Variants in GATAD2A observed in about 807,000 individuals in gnomAD.
GATAD2A encodes GATA zinc finger domain containing 2A.
GATAD2A carries 12 observed loss-of-function variants against 68.5 expected under a neutral mutation model. The observed-to-expected ratio is 0.18, with a 90% CI of 0.11 to 0.28. The LOEUF is 0.28. GATAD2A is among the 10% of genes least tolerant of loss of function. The probability of loss-of-function intolerance (pLI) is 1.00; values close to 1 mark genes in which losing one functional copy is unlikely to be tolerated. For synonymous variants in GATAD2A, 410 were observed against 375.3 expected (o/e 1.09, Z -1.07); for missense variants, 755 against 868.5 (o/e 0.87, Z 1.64).
chr19:19,467,892 C>A (rs2057998884), intron 2 of GATAD2A, among the ~76,000 whole-genome samples: 2 of 152,202 alleles, frequency 1.3e-5, no homozygotes, highest in Non-Finnish European at 2.9e-5. Flanking sequence ...CAGCTTTCTG[C>A]CTCCATCTTT....
chr19:19,431,978 A>G (rs2147452340), intron 1 of GATAD2A, among the ~76,000 whole-genome samples: 1 of 152,052 alleles, frequency 6.6e-6, no homozygotes, highest in Non-Finnish European at 1.5e-5. Flanking sequence ...TTAATTTTTT[A>G]TTTTTATTTA....
intron 1 of GATAD2A, among the ~76,000 whole-genome samples, chr19:19,421,754 T>C (rs2052443996): frequency 6.6e-6 from 1 of 152,074 alleles, no homozygotes; most frequent in South Asian, 2.1e-4. Context: ...GCAGGTAAAG[T>C]CTGCTGAGGA....
At chr19:19,479,078 GCT>G (rs1380035971) in intron 2 of GATAD2A, among the ~76,000 whole-genome samples, 1 of 152,060 alleles carries the variant, frequency 6.6e-6, no homozygotes, top group African/African-American at 2.4e-5. Flanking sequence ...GTTTCCATAG[GCT>G]TTTTGGATCA....
chr19:19,392,643 G>A (rs1279617366), intron 1 of GATAD2A, among the ~76,000 whole-genome samples: 2 of 151,302 alleles, frequency 1.3e-5, no homozygotes, highest in African/African-American at 4.9e-5. Context: ...ACCTGCCTCA[G>A]CCTCCCAAAG....
At chr19:19,386,582 C>T (rs1228487694) in intron 1 of GATAD2A, among the ~76,000 whole-genome samples, 1 of 151,898 alleles carries the variant, frequency 6.6e-6, no homozygotes, top group African/African-American at 2.4e-5. Flanking sequence ...GGAACGCTGC[C>T]TCTCTAGAGG....
chr19:19,401,126 C>T (rs1408546684), upstream of GATAD2A, among the ~76,000 whole-genome samples: 2 of 116,250 alleles, frequency 1.7e-5, no homozygotes, highest in South Asian at 2.6e-4. Context: ...GGGCAACGAG[C>T]GAGACTCTGT....
Position 19,506,219 on chromosome 19 carries a change from C to G in GATAD2A, c.*745C>G. ...CATTGCTGCTTGTTCTGGAGACCCC[C>G]GCCCCCGCACCTTCCAGACTTAGCA... On this transcript the variant is annotated 3_prime_UTR_variant, in exon 12 of 12. Coordinates refer to ENST00000683918, the MANE Select transcript of GATAD2A (RefSeq NM_001384528.1). 1 of 398,682 alleles carries G rather than the reference C, an allele frequency of 2.5e-6. No individual in the cohort carries two copies. 24.7% of individuals were successfully genotyped at this position (398,682 alleles called of 1,614,324 possible).
intron 1 of GATAD2A, among the ~76,000 whole-genome samples, chr19:19,450,147 T>C (rs1333599207): frequency 6.6e-6 from 1 of 152,192 alleles, no homozygotes; most frequent in Non-Finnish European, 1.5e-5. Flanking sequence ...GAACTAGAGA[T>C]GATGGGATGG....
Position 19,506,387 on chromosome 19 carries a change from GTTTAT to G in GATAD2A, c.*920_*924del. On this transcript the variant is annotated 3_prime_UTR_variant, in exon 12 of 12. Transcript: ENST00000683918. The stretch of plus-strand genomic sequence containing the variant: ...ACTGTCGCGGGGTTTTTCTGTTGTG[GTTTAT>G]TTTATTAAATTTTTTCCTTTTTTCT... The G allele has an allele frequency of 2.6e-6, 1 of 388,376 alleles. No homozygotes were observed. 24.1% of individuals were successfully genotyped at this position (388,376 alleles called of 1,614,324 possible).
At chr19:19,428,761 A>G in intron 1 of GATAD2A, among the ~76,000 whole-genome samples, 1 of 152,146 alleles carries the variant, frequency 6.6e-6, no homozygotes, top group East Asian at 1.9e-4. Context: ...CGGGGAGTGC[A>G]GAGTGTGGGC....
In GATAD2A at chr19:19,505,973, AT is replaced by A. The variant is rs111397533; in HGVS notation, c.*513del. The A allele has an allele frequency of 0.24, 68,232 of 288,182 alleles. 329 individuals are homozygous for A. Among genetic ancestry groups the A allele is most frequent in the Middle Eastern group, 0.32 (322 of 1,002 alleles). 17.9% of individuals were successfully genotyped at this position (288,182 alleles called of 1,614,324 possible). A position where few individuals can be genotyped will look rare whatever the true frequency, so the allele number is the denominator to read the frequency against. ...CCCATGGCGATCTATAAGTTGAAAG[AT>A]TTTTTTTTTTTTTAATCACCTCATG... On this transcript the variant is annotated 3_prime_UTR_variant, in exon 12 of 12. Transcript: ENST00000683918.
chr19:19,433,502 A>G (rs542809285), intron 1 of GATAD2A, among the ~76,000 whole-genome samples: 1 of 152,288 alleles, frequency 6.6e-6, no homozygotes, highest in African/African-American at 2.4e-5. Context: ...TTGAGATTGC[A>G]TTGAATCTGT....
chr19:19,454,148 C>G (rs868612873), intron 1 of GATAD2A, among the ~76,000 whole-genome samples: 20 of 152,054 alleles, frequency 1.3e-4, no homozygotes, highest in Middle Eastern at 3.4e-3. Flanking sequence ...TAGGTATGCG[C>G]CACCACGCCT....
chr19:19,413,251 C>T (rs1421791218), intron 1 of GATAD2A, among the ~76,000 whole-genome samples: 3 of 152,224 alleles, frequency 2.0e-5, no homozygotes, highest in Non-Finnish European at 4.4e-5. Context: ...CTACCACCTT[C>T]GTTCACATCC....
chr19:19,423,924 AT>A (rs1222934406), intron 1 of GATAD2A, among the ~76,000 whole-genome samples: 1 of 151,968 alleles, frequency 6.6e-6, no homozygotes, highest in Non-Finnish European at 1.5e-5. Context: ...AACTACCTTT[AT>A]GTTCTTTTCT....
intron 2 of GATAD2A, among the ~76,000 whole-genome samples, chr19:19,469,479 A>C (rs1343883939): frequency 2.0e-5 from 3 of 152,152 alleles, no homozygotes; most frequent in Non-Finnish European, 4.4e-5. Flanking sequence ...TACACTAAAA[A>C]ATATTTAACA....
intron 1 of GATAD2A, among the ~76,000 whole-genome samples, chr19:19,449,504 A>G (rs756380246): frequency 6.6e-6 from 1 of 151,976 alleles, no homozygotes; most frequent in Non-Finnish European, 1.5e-5. Context: ...TTTTATTTTT[A>G]AAACGTTGAT....
rs149196188 is a variant in GATAD2A at position 19,413,241 on chromosome 19, C to G, written c.-7+7222C>G. Among the ~76,000 whole-genome samples the G allele has an allele frequency of 5.3e-3, 801 of 152,314 alleles. 6 individuals carry two copies. The highest frequency in any genetic ancestry group is 0.041 in the South Asian group (197 of 4,828). ...TGCCAGCAAGTTTTGAAAACTGCTG[C>G]TACCACCTTCGTTCACATCCGCAGA... On this transcript the variant is annotated intron_variant, in intron 1 of 11. Transcript: ENST00000683918.
chr19:19,499,544 A>G (rs1348181787), intron 8 of GATAD2A, among the ~76,000 whole-genome samples: 2 of 152,084 alleles, frequency 1.3e-5, no homozygotes, highest in Non-Finnish European at 2.9e-5. Flanking sequence ...CGCACTGCCC[A>G]GGATACAGAG....
Sources: gnomAD v4.1 joint callset for allele counts (sites outside exome capture counted in the v4.1 genomes callset) on GRCh38, gnomAD v4.1.1 for gene constraint, MANE v1.5 for transcripts, NCBI Gene and HGNC (gene_info 2026-07-23, HGNC 2026-07-21) for gene names.